AGBL1: variants seen among roughly 807,000 people sequenced by gnomAD.
AGBL1 encodes cytosolic carboxypeptidase 4.
AGBL1 carries 130 observed loss-of-function variants against 118.9 expected under a neutral mutation model. The observed-to-expected ratio is 1.09, with a 90% CI of 0.95 to 1.26. AGBL1 has a LOEUF of 1.26. Ranked by LOEUF, AGBL1 falls within the 50% of genes most tolerant of loss-of-function variation. AGBL1 has a pLI of 0.00. For missense variants in AGBL1, 1,584 were observed against 1,298.1 expected, an observed-to-expected ratio of 1.22 and a Z score of -3.38; for synonymous variants, 555 against 478.9, an observed-to-expected ratio of 1.16 and a Z score of -2.08.
intron 18 of AGBL1, among the ~76,000 whole-genome samples, chr15:86,420,957 A>C (rs759919242): frequency 5.9e-5 from 9 of 152,230 alleles, no homozygotes; most frequent in Middle Eastern, 3.2e-3. Flanking sequence ...ATATGGGACT[A>C]TGTGAAAAGA....
At chr15:86,827,322 C>T (rs111647758) in intron 22 of AGBL1, among the ~76,000 whole-genome samples, 93 of 4,622 alleles carry the variant, frequency 0.02, 5 homozygotes, top group Admixed American at 0.03. Context: ...TATATACACA[C>T]ACATATATAT....
intron 23 of AGBL1, among the ~76,000 whole-genome samples, chr15:86,950,370 T>TA (rs1488089339): frequency 6.6e-6 from 1 of 151,082 alleles, no homozygotes; most frequent in African/African-American, 2.4e-5. Flanking sequence ...AAAGACTAAT[T>TA]AGATTCATAG....
At chr15:86,530,112 C>T (rs28835114) in intron 19 of AGBL1, among the ~76,000 whole-genome samples, 1,481 of 128,112 alleles carry the variant, frequency 0.012, 24 homozygotes, top group African/African-American at 0.065. Flanking sequence ...ATAACAATAT[C>T]AACTTTAAAT....
At chr15:86,772,604 G>A (rs112789820) in intron 22 of AGBL1, among the ~76,000 whole-genome samples, 10 of 152,012 alleles carry the variant, frequency 6.6e-5, no homozygotes. Flanking sequence ...AAGAGGGCCT[G>A]TGGCTGGGCC....
In AGBL1 at chr15:86,909,571, A is replaced by G. The variant is rs897472111; in HGVS notation, c.*2277A>G. ...GTATATCCATTCTTCATATTAAGAC[A>G]TGTATGTTTATGTAACATATGCAAG... On this transcript the variant is annotated 3_prime_UTR_variant, in exon 23 of 23. Transcript: ENST00000614907. 1 of 152,240 alleles carries G rather than the reference A, an allele frequency of 6.6e-6. No individual in the cohort carries two copies. Among genetic ancestry groups the G allele is most frequent in the Non-Finnish European group, 1.5e-5 (1 of 68,046 alleles). The allele number at this position is 152,240 out of a possible 1,614,324, so 9.4% of individuals were successfully genotyped here.
In AGBL1 at chr15:86,221,752, C is replaced by CT. The variant is rs77648155; in HGVS notation, c.489-3150dup. Among the ~76,000 whole-genome samples, 481 of 145,646 alleles carry CT rather than the reference C, an allele frequency of 3.3e-3. 2 individuals carry two copies. The highest frequency in any genetic ancestry group is 5.9e-3 in the Admixed American group (86 of 14,604). ...ACATCCAAAACAACATATTTACAAA[C>CT]TTTTTTTTTTTTAAGGAAAGCACTT... On this transcript the variant is annotated intron_variant, in intron 5 of 22. Coordinates refer to ENST00000614907, the MANE Select transcript of AGBL1 (RefSeq NM_001386094.1).
chr15:86,194,389 G>A (rs921179910), intron 5 of AGBL1, among the ~76,000 whole-genome samples: 2 of 152,194 alleles, frequency 1.3e-5, no homozygotes, highest in Non-Finnish European at 2.9e-5. Context: ...TGTGGAGGGC[G>A]TCTTGGGATC....
chr15:86,729,245 A>G lies in AGBL1; in HGVS notation c.3158+54809A>G, dbSNP rs913517603. Reference sequence around the variant, plus strand: ...TTTTAACTGAAAAATAGCTCAAATGATTAACTATTTTCTGAAATCTTCGCT... The same window carrying G: ...TTTTAACTGAAAAATAGCTCAAATGGTTAACTATTTTCTGAAATCTTCGCT... On this transcript the variant is annotated intron_variant, in intron 22 of 22. Transcript: ENST00000614907. Among the ~76,000 whole-genome samples the G allele has an allele frequency of 3.3e-5, 5 of 152,284 alleles. No homozygotes were observed. In the East Asian group the frequency reaches 9.6e-4, roughly 29 times the overall value.
chr15:86,569,666 C>A (rs1429305014), intron 21 of AGBL1, among the ~76,000 whole-genome samples: 1 of 152,136 alleles, frequency 6.6e-6, no homozygotes, highest in African/African-American at 2.4e-5. Flanking sequence ...ACCCTCAGTT[C>A]TATAATGTCT....
At chr15:86,771,417 G>A (rs1318408927) in intron 22 of AGBL1, among the ~76,000 whole-genome samples, 1 of 151,680 alleles carries the variant, frequency 6.6e-6, no homozygotes, top group Non-Finnish European at 1.5e-5. Flanking sequence ...TCTTTCCAAT[G>A]CGCTTAATGG....
chr15:86,940,763 C>T (rs2080740665), intron 23 of AGBL1, among the ~76,000 whole-genome samples: 1 of 152,182 alleles, frequency 6.6e-6, no homozygotes, highest in Non-Finnish European at 1.5e-5. Flanking sequence ...CTGCCTTTAA[C>T]TCTTAAACAA....
At chr15:86,650,471 T>C (rs924442310) in intron 21 of AGBL1, among the ~76,000 whole-genome samples, 7 of 152,202 alleles carry the variant, frequency 4.6e-5, no homozygotes, top group Admixed American at 1.3e-4. Context: ...TAAGCTACTG[T>C]TATTGTGGTT....
chr15:86,678,044 T>A (rs534329919), intron 22 of AGBL1, among the ~76,000 whole-genome samples: 3 of 152,206 alleles, frequency 2.0e-5, no homozygotes, highest in Non-Finnish European at 4.4e-5. Context: ...GTGTACCATA[T>A]GATGCCTTGC....
intron 22 of AGBL1, among the ~76,000 whole-genome samples, chr15:86,855,732 C>T (rs558633460): frequency 2.0e-5 from 3 of 152,294 alleles, no homozygotes; most frequent in East Asian, 1.9e-4. Context: ...ACACAGATCC[C>T]GTCATCTTCC....
chr15:86,762,392 TG>T (rs1336057952), intron 22 of AGBL1, among the ~76,000 whole-genome samples: 3 of 151,906 alleles, frequency 2.0e-5, no homozygotes, highest in Admixed American at 1.3e-4. Context: ...AAATACCCCC[TG>T]CCCCCTGCAA....
intron 21 of AGBL1, among the ~76,000 whole-genome samples, chr15:86,667,180 A>T (rs567320105): frequency 6.6e-6 from 1 of 151,732 alleles, no homozygotes; most frequent in Non-Finnish European, 1.5e-5. Context: ...TCTGAACATA[A>T]ATTTTTTTAA....
chr15:86,583,073 A>T (rs2084195847), intron 21 of AGBL1, among the ~76,000 whole-genome samples: 1 of 151,978 alleles, frequency 6.6e-6, no homozygotes, highest in East Asian at 1.9e-4. Flanking sequence ...CCATGGTATT[A>T]TTAGTTGGGG....
intron 1 of AGBL1, among the ~76,000 whole-genome samples, chr15:86,095,150 A>C (rs1317587643): frequency 6.6e-6 from 1 of 152,214 alleles, no homozygotes; most frequent in Non-Finnish European, 1.5e-5. Flanking sequence ...CAGGAACATT[A>C]GTCCCAGGAA....
At chr15:86,221,399 G>C (rs2078278513) in intron 5 of AGBL1, among the ~76,000 whole-genome samples, 1 of 152,142 alleles carries the variant, frequency 6.6e-6, no homozygotes, top group African/African-American at 2.4e-5. Context: ...CTTCTTAGTT[G>C]TTTAAGTTTT....
Sources: gnomAD v4.1 joint callset for allele counts (sites outside exome capture counted in the v4.1 genomes callset) on GRCh38, gnomAD v4.1.1 for gene constraint, MANE v1.5 for transcripts, NCBI Gene and HGNC (gene_info 2026-07-23, HGNC 2026-07-21) for gene names.